The following SH3PXD2A variants were observed in gnomAD, a reference collection of about 807,000 sequenced individuals.
The protein encoded by SH3PXD2A is SH3 and PX domains 2A, also known as SH3 and PX domain-containing protein 2A.
A neutral mutation model predicts 115.2 loss-of-function variants in SH3PXD2A; 32 were observed. The observed-to-expected ratio is 0.28, with a 90% confidence interval of 0.21 to 0.37. The LOEUF (loss-of-function observed/expected upper bound fraction) is 0.37. Among genes scored for constraint, SH3PXD2A ranks in the 10% least tolerant of loss-of-function variants. The pLI, the probability that SH3PXD2A is intolerant of heterozygous loss-of-function variation, is 1.00. For synonymous variants in SH3PXD2A, 610 were observed against 629.1 expected (o/e 0.97, Z 0.45); for missense variants, 1,328 against 1,498.7 (o/e 0.89, Z 1.88).
rs1029052269 is a variant in SH3PXD2A at position 103,595,199 on chromosome 10, A to G, written c.*6617T>C. 1 of 152,186 alleles carries G rather than the reference A, an allele frequency of 6.6e-6. No individual in the cohort carries two copies. The highest frequency in any genetic ancestry group is 2.4e-5 in the African/African-American group (1 of 41,444). 9.4% of individuals were successfully genotyped at this position (152,186 alleles called of 1,614,324 possible). On this transcript the variant is annotated 3_prime_UTR_variant, in exon 15 of 15. Coordinates refer to ENST00000369774, the MANE Select transcript of SH3PXD2A (RefSeq NM_001394015.1). Reference sequence around the variant, plus strand: ...TGATGGGGACCCAGCGTGTGGCCCAATGAGTGGCAGTTTTTTCCTAGCCAG... The same window carrying G: ...TGATGGGGACCCAGCGTGTGGCCCAGTGAGTGGCAGTTTTTTCCTAGCCAG...
At chr10:103,837,472 C>A (rs188770464) in intron 1 of SH3PXD2A, among the ~76,000 whole-genome samples, 8 of 152,306 alleles carry the variant, frequency 5.3e-5, no homozygotes, top group Admixed American at 4.6e-4. Context: ...TGACAATTAG[C>A]CCCCTACCTT....
chr10:103,829,580 C>G (rs2039465507), intron 1 of SH3PXD2A, among the ~76,000 whole-genome samples: 1 of 152,130 alleles, frequency 6.6e-6, no homozygotes, highest in African/African-American at 2.4e-5. Context: ...GTGCAAAGCT[C>G]CATGAAGCAA....
intron 1 of SH3PXD2A, among the ~76,000 whole-genome samples, chr10:103,825,488 C>T (rs1004463243): frequency 6.6e-6 from 1 of 152,046 alleles, no homozygotes; most frequent in Non-Finnish European, 1.5e-5. Flanking sequence ...TCTTAATTTC[C>T]TCTTTGAATT....
intron 1 of SH3PXD2A, among the ~76,000 whole-genome samples, chr10:103,827,283 C>G (rs573702283): frequency 6.6e-6 from 1 of 152,306 alleles, no homozygotes; most frequent in Admixed American, 6.5e-5. Context: ...CTCAGGCCCA[C>G]TCCTCTTCCT....
chr10:103,673,813 C>T (rs1044478471), intron 6 of SH3PXD2A, among the ~76,000 whole-genome samples: 17 of 152,140 alleles, frequency 1.1e-4, no homozygotes, highest in African/African-American at 3.9e-4. Flanking sequence ...GCGAAAACTC[C>T]ACGGAGAATG....
chr10:103,617,799 AGC>A (rs747576194), intron 10 of SH3PXD2A, among the ~76,000 whole-genome samples: 14 of 152,296 alleles, frequency 9.2e-5, no homozygotes, highest in Non-Finnish European at 2.1e-4. Context: ...CCCCCAGCTC[AGC>A]CTCTTGCATC....
chr10:103,744,489 CAT>C (rs1000261811), intron 3 of SH3PXD2A, among the ~76,000 whole-genome samples: 12 of 152,162 alleles, frequency 7.9e-5, no homozygotes, highest in Non-Finnish European at 1.5e-5. Context: ...CTGAAACTCA[CAT>C]GTCACCTCTG....
chr10:103,668,479 C>G, intron 7 of SH3PXD2A, 129 bp downstream of exon 7: 1 of 812,932 alleles, frequency 1.2e-6, no homozygotes, highest in Non-Finnish European at 2.0e-6. Flanking sequence ...GTGGCAGACC[C>G]CCTGCCATGC....
rs565344261 is a variant in SH3PXD2A at position 103,735,417 on chromosome 10, T to C, written c.306+315A>G. ...CTCACATAGAGAAGCAAGCAGCCCT[T>C]CAGAAGGAGGCTCTTTGACTTAGCT... On this transcript the variant is annotated intron_variant, in intron 4 of 14. Coordinates refer to ENST00000369774, the MANE Select transcript of SH3PXD2A (RefSeq NM_001394015.1). Among the ~76,000 whole-genome samples the C allele has an allele frequency of 3.9e-5, 6 of 152,326 alleles. No homozygotes were observed. In the East Asian group the frequency reaches 7.7e-4, roughly 20 times the overall value.
chr10:103,628,699 A>C (rs931603643), intron 8 of SH3PXD2A, among the ~76,000 whole-genome samples: 1 of 152,016 alleles, frequency 6.6e-6, no homozygotes, highest in African/African-American at 2.4e-5. Flanking sequence ...GGCTCTGCCA[A>C]CCCTGGAGAC....
intron 1 of SH3PXD2A, among the ~76,000 whole-genome samples, chr10:103,842,606 C>T (rs2039612072): frequency 6.6e-6 from 1 of 152,206 alleles, no homozygotes; most frequent in Non-Finnish European, 1.5e-5. Context: ...GAGATCTACT[C>T]TTTTTAGCTC....
Position 103,668,629 on chromosome 10 carries a change from A to G in SH3PXD2A, c.451T>C (p.Ser151Pro). The G allele has an allele frequency of 6.4e-7, 1 of 1,558,426 alleles. No individual in the cohort carries two copies. The highest frequency in any genetic ancestry group is 8.7e-7 in the Non-Finnish European group (1 of 1,150,932). Residue 151 changes from serine to proline, a missense_variant, in exon 7 of 15, where the codon TCG becomes CCG. Physicochemically the swap from Ser to Pro is moderately conservative, Grantham distance 74. Coordinates refer to ENST00000369774, the MANE Select transcript of SH3PXD2A (RefSeq NM_001394015.1). ...GTACCTGTCACGTCCTTCTTGGGCG[A>G]CTCAGCCCAGCTGGACAGCCACACT... ...KSVWLSSWAE[S>P]PKKDVTGADA... is the part of the protein sequence containing the mutation.
At chr10:103,790,159 C>CTT (rs1267623695) in intron 2 of SH3PXD2A, among the ~76,000 whole-genome samples, 4 of 144,978 alleles carry the variant, frequency 2.8e-5, no homozygotes, top group Non-Finnish European at 3.0e-5. Flanking sequence ...AGAGGACTTT[C>CTT]TTTTTTTTTT....
rs1184160779 is a variant in SH3PXD2A, at chr10:103,855,420, G to C, written c.-154C>G. On this transcript the variant is annotated 5_prime_UTR_variant, in exon 1 of 15. Coordinates refer to ENST00000369774, the MANE Select transcript of SH3PXD2A (RefSeq NM_001394015.1). ...CCGGACTCCCGGCGCCCACAGGTCC[G>C]GCCCAGGGACGGGGGAGGGTCCCGG... The C allele has an allele frequency of 7.0e-6, 3 of 428,342 alleles. No homozygotes were observed. The highest frequency in any genetic ancestry group is 4.6e-5 in the East Asian group (1 of 21,572). The allele number at this position is 428,342 out of a possible 1,614,324, so 26.5% of individuals were successfully genotyped here. A position where few individuals can be genotyped will look rare whatever the true frequency, so the allele number is the denominator to read the frequency against.
chr10:103,601,657 G>A lies in SH3PXD2A; in HGVS notation c.*159C>T. 5 of 574,960 alleles carry A rather than the reference G, an allele frequency of 8.7e-6. No homozygotes were observed. The highest frequency in any genetic ancestry group is 8.0e-5 in the South Asian group (4 of 50,244). 35.6% of individuals were successfully genotyped at this position (574,960 alleles called of 1,614,324 possible). A position where few individuals can be genotyped will look rare whatever the true frequency, so the allele number is the denominator to read the frequency against. ...TACCTTCCAGCTGTGGGATGGCTTG[G>A]ACAGGGGGCATCTTTGAGGTCACCC... On this transcript the variant is annotated 3_prime_UTR_variant, in exon 15 of 15. Transcript: ENST00000369774.
At chr10:103,800,689 G>T (rs931604428) in intron 2 of SH3PXD2A, among the ~76,000 whole-genome samples, 2 of 152,152 alleles carry the variant, frequency 1.3e-5, no homozygotes, top group Non-Finnish European at 2.9e-5. Context: ...TGGCATCAAG[G>T]GGGGTGTCTG....
At chr10:103,842,685 T>C (rs1204944956) in intron 1 of SH3PXD2A, among the ~76,000 whole-genome samples, 3 of 152,200 alleles carry the variant, frequency 2.0e-5, no homozygotes, top group Non-Finnish European at 4.4e-5. Flanking sequence ...TCACTTAACA[T>C]AATGACCTCC....
At chr10:103,608,150 T>TAAAAAAAAAAAAAAAAAGTTAAC (rs768102863) in intron 13 of SH3PXD2A, among the ~76,000 whole-genome samples, 5 of 32,652 alleles carry the variant, frequency 1.5e-4, no homozygotes, top group Non-Finnish European at 1.8e-4. Flanking sequence ...ATGATCAATT[T>TAAAAAAAAAAAAAAAAAGTTAAC]AAAAAAAAAA....
chr10:103,843,643 T>A (rs1842807081), intron 1 of SH3PXD2A, among the ~76,000 whole-genome samples: 1 of 152,142 alleles, frequency 6.6e-6, no homozygotes, highest in African/African-American at 2.4e-5. Flanking sequence ...AGGGAGGGGC[T>A]CAGAGGGAGG....
Sources: allele counts gnomAD v4.1 joint callset (sites outside exome capture counted in the v4.1 genomes callset), GRCh38; gene constraint gnomAD v4.1.1; transcripts MANE v1.5; gene names NCBI Gene and HGNC (gene_info 2026-07-23, HGNC 2026-07-21).